RHBDD1: variants seen among roughly 807,000 people sequenced by gnomAD.
The protein encoded by RHBDD1 is rhomboid domain containing 1, also known as rhomboid-related protein 4.
A neutral mutation model predicts 36.3 loss-of-function variants in RHBDD1; 38 were observed. That is an observed-to-expected ratio of 1.05 (90% CI 0.81 to 1.37). RHBDD1 has a LOEUF of 1.37. Among genes scored for constraint, RHBDD1 ranks in the 40% most tolerant of loss-of-function variants. The pLI, the probability that RHBDD1 is intolerant of heterozygous loss-of-function variation, is 0.00. For missense variants in RHBDD1, 393 were observed against 377.6 expected (o/e 1.04, Z -0.34); for synonymous variants, 151 against 136.5 (o/e 1.11, Z -0.74).
At chr2:226,867,939 G>A (rs548952112) in intron 5 of RHBDD1, among the ~76,000 whole-genome samples, 62 of 152,120 alleles carry the variant, frequency 4.1e-4, no homozygotes, top group African/African-American at 1.4e-3. Flanking sequence ...GGATGGTCTC[G>A]ATCTCTTGAC....
intron 3 of RHBDD1, among the ~76,000 whole-genome samples, chr2:226,852,967 CTA>C (rs1475395304): frequency 6.7e-6 from 1 of 148,480 alleles, no homozygotes; most frequent in African/African-American, 2.5e-5. Flanking sequence ...TGAGGTCTTG[CTA>C]TGTTTTCCAG....
intron 8 of RHBDD1, among the ~76,000 whole-genome samples, chr2:226,934,318 A>G (rs1559288453): frequency 6.6e-6 from 1 of 152,144 alleles, no homozygotes; most frequent in Non-Finnish European, 1.5e-5. Context: ...AGGCTATGCC[A>G]TGTAGGTTTG....
intron 5 of RHBDD1, chr2:226,869,136 T>A: frequency 2.0e-6 from 2 of 983,284 alleles, no homozygotes; most frequent in Non-Finnish European, 2.4e-6. Flanking sequence ...GCATTTCATT[T>A]TTTAGGGTTC....
At chr2:226,914,827 TGTGTTTTG>T (rs1280209857) in intron 8 of RHBDD1, among the ~76,000 whole-genome samples, 13 of 152,158 alleles carry the variant, frequency 8.5e-5, no homozygotes, top group African/African-American at 3.1e-4. Context: ...CCTAGAAATT[TGTGTTTTG>T]AACAGGCTTT....
intron 5 of RHBDD1, chr2:226,869,111 T>A (rs922917363): frequency 5.4e-5 from 48 of 889,988 alleles, no homozygotes; most frequent in Non-Finnish European, 5.8e-5. Flanking sequence ...CAACTATTTC[T>A]GAAGTGCTTT....
chr2:226,815,534 A>G, the RHBDD1 span, among the ~76,000 whole-genome samples: 1 of 152,242 alleles, frequency 6.6e-6, no homozygotes, highest in Non-Finnish European at 1.5e-5. Context: ...TAGGTAATAT[A>G]AAAGTATTTT....
At chr2:226,823,722 T>C in the RHBDD1 span, among the ~76,000 whole-genome samples, 1 of 152,152 alleles carries the variant, frequency 6.6e-6, no homozygotes, top group Non-Finnish European at 1.5e-5. Flanking sequence ...TCAACAGATA[T>C]TTGGGCAATT....
intron 8 of RHBDD1, chr2:226,988,235 G>A: frequency 9.1e-7 from 1 of 1,097,598 alleles, no homozygotes; most frequent in Admixed American, 3.0e-5. Flanking sequence ...AGAAGCAAGA[G>A]GTTGGGAGTA....
Position 226,864,901 on chromosome 2 carries a change from C to T in RHBDD1, c.208C>T (p.Leu70Phe), listed in dbSNP as rs766806670. The change falls in exon 4 of 9, where the codon CTC becomes TTC. Residue 70 changes from leucine to phenylalanine, a missense_variant. Transcript: ENST00000392062. The stretch of plus-strand genomic sequence containing the variant: ...GCAAAAAGACTGGCAGCGTTTACTG[C>T]TCTCTCCCCTTCACCATGCTGATGA... ...YQQKDWQRLL[L>F]SPLHHADDWH... 20 of 1,614,076 alleles carry T rather than the reference C, an allele frequency of 1.2e-5. No individual in the cohort carries two copies. In the Admixed American group the frequency reaches 3.0e-4, roughly 24 times the overall value.
intron 5 of RHBDD1, among the ~76,000 whole-genome samples, chr2:226,883,584 A>G (rs1195552005): frequency 6.6e-6 from 1 of 152,222 alleles, no homozygotes; most frequent in Non-Finnish European, 1.5e-5. Flanking sequence ...CTAATTGGCC[A>G]TCATGCTGGG....
intron 8 of RHBDD1, among the ~76,000 whole-genome samples, chr2:226,921,201 A>G (rs1011468813): frequency 2.6e-5 from 4 of 151,964 alleles, no homozygotes; most frequent in Non-Finnish European, 4.4e-5. Flanking sequence ...AATAGGTTTT[A>G]ATGTCTACTT....
upstream of RHBDD1, among the ~76,000 whole-genome samples, chr2:226,833,692 T>C (rs953642005): frequency 2.6e-5 from 4 of 152,248 alleles, no homozygotes; most frequent in African/African-American, 7.2e-5. Flanking sequence ...TTGTTTTATA[T>C]GGTAATGTAG....
intron 8 of RHBDD1, among the ~76,000 whole-genome samples, chr2:226,989,648 T>C (rs901686258): frequency 6.6e-6 from 1 of 152,238 alleles, no homozygotes; most frequent in East Asian, 1.9e-4. Flanking sequence ...AGTCTGACCA[T>C]ATCTTGTCTA....
At chr2:226,852,527 CAG>C in intron 3 of RHBDD1, among the ~76,000 whole-genome samples, 1 of 152,146 alleles carries the variant, frequency 6.6e-6, no homozygotes, top group Non-Finnish European at 1.5e-5. Context: ...GAGTATATAA[CAG>C]AAAAGCAGCT....
upstream of RHBDD1, among the ~76,000 whole-genome samples, chr2:226,835,158 GC>G (rs1418814747): frequency 5.9e-5 from 9 of 152,134 alleles, no homozygotes; most frequent in African/African-American, 2.2e-4. Flanking sequence ...CGATCCTCCT[GC>G]CTCGACCTCC....
the RHBDD1 span, among the ~76,000 whole-genome samples, chr2:226,803,495 G>A: frequency 2.6e-5 from 4 of 152,088 alleles, no homozygotes; most frequent in Non-Finnish European, 5.9e-5. Flanking sequence ...AAGTTTTTTG[G>A]AACACCTACT....
At chr2:226,952,393 G>A (rs1202583152) in intron 8 of RHBDD1, among the ~76,000 whole-genome samples, 1 of 148,170 alleles carries the variant, frequency 6.7e-6, no homozygotes, top group Admixed American at 6.8e-5. Flanking sequence ...TGCCTCCCGG[G>A]TTCAAGTGAT....
intron 8 of RHBDD1, among the ~76,000 whole-genome samples, chr2:226,972,712 C>T (rs538394528): frequency 3.2e-4 from 49 of 152,292 alleles, no homozygotes; most frequent in Middle Eastern, 3.4e-3. Flanking sequence ...CAACAGTGAA[C>T]GGCACAGACT....
intron 3 of RHBDD1, among the ~76,000 whole-genome samples, chr2:226,845,588 C>G (rs1016320660): frequency 1.3e-5 from 2 of 152,184 alleles, no homozygotes; most frequent in African/African-American, 2.4e-5. Flanking sequence ...CTGACAACTT[C>G]TTTATATTCT....
Sources: gnomAD v4.1 joint callset for allele counts (sites outside exome capture counted in the v4.1 genomes callset) on GRCh38, gnomAD v4.1.1 for gene constraint, MANE v1.5 for transcripts, NCBI Gene and HGNC (gene_info 2026-07-23, HGNC 2026-07-21) for gene names.